The following SMYD3 variants were observed in gnomAD, a reference collection of about 807,000 sequenced individuals.
SMYD3 encodes the protein SET and MYND domain containing 3.
In SMYD3, 36 loss-of-function variants were observed where a neutral mutation model predicts 57.7. The ratio of observed to expected loss-of-function variants is 0.62; its 90% CI spans 0.48 to 0.82. The LOEUF is 0.82. Among genes scored for constraint, SMYD3 ranks in the 40% least tolerant of loss-of-function variants. SMYD3 has a pLI of 0.00. For missense variants in SMYD3, 515 were observed against 538.8 expected (o/e 0.96, Z 0.44); for synonymous variants, 211 against 195.0 (o/e 1.08, Z -0.68).
intron 1 of SMYD3, among the ~76,000 whole-genome samples, chr1:246,494,215 C>T (rs976489961): frequency 1.5e-4 from 23 of 152,224 alleles, no homozygotes; most frequent in Admixed American, 2.6e-4. Flanking sequence ...GTATCACAGA[C>T]GCTATCCCAA....
At chr1:246,087,848 C>T (rs2060745415) in intron 5 of SMYD3, among the ~76,000 whole-genome samples, 1 of 152,164 alleles carries the variant, frequency 6.6e-6, no homozygotes, top group African/African-American at 2.4e-5. Context: ...CTCAGTACTC[C>T]AACTGTTAAC....
intron 5 of SMYD3, among the ~76,000 whole-genome samples, chr1:245,976,737 AGCCCAGGGAAAGCCATCGTCTCCG>A (rs2058436397): frequency 2.8e-3 from 1 of 360 alleles, no homozygotes; most frequent in African/African-American, 7.7e-3. Flanking sequence ...CATCGTCTCC[AGCCCAGGGAAAGCCATCGTCTCCG>A]GCCTAGGGAA....
intron 5 of SMYD3, among the ~76,000 whole-genome samples, chr1:246,248,631 C>CTTGTTTTTTTTTTGTTTTTT (rs1309872022): frequency 8.4e-6 from 1 of 119,270 alleles, no homozygotes; most frequent in Non-Finnish European, 1.6e-5. Flanking sequence ...AGCTCTCTGA[C>CTTGTTTTTTTTTTGTTTTTT]TTTCCTTTTT....
At chr1:246,391,221 GAAAAA>G (rs58176373) in intron 1 of SMYD3, among the ~76,000 whole-genome samples, 1 of 111,036 alleles carries the variant, frequency 9.0e-6, no homozygotes, top group Non-Finnish European at 1.9e-5. Context: ...CTCTATATCT[GAAAAA>G]AAAAAAAAAA....
At chr1:246,446,529 C>G (rs151149490) in intron 1 of SMYD3, among the ~76,000 whole-genome samples, 1,800 of 152,224 alleles carry the variant, frequency 0.012, 38 homozygotes, top group African/African-American at 0.041. Context: ...ATTAGAGGTG[C>G]TGTTTTTCTA....
intron 1 of SMYD3, chr1:246,483,755 C>A (rs2068144710): frequency 6.6e-6 from 1 of 152,298 alleles, no homozygotes; most frequent in Non-Finnish European, 1.5e-5. Context: ...CATTCACATT[C>A]TTTCTCCTCT....
intron 5 of SMYD3, among the ~76,000 whole-genome samples, chr1:246,061,176 T>C (rs575816602): frequency 1.3e-5 from 2 of 152,208 alleles, no homozygotes; most frequent in Non-Finnish European, 2.9e-5. Flanking sequence ...TGAGTCGAGA[T>C]GGCACCACTG....
Position 246,507,046 on chromosome 1 carries a change from T to A in SMYD3, c.164+8A>T, listed in dbSNP as rs973632527. On this transcript the variant is annotated splice_region_variant and intron_variant, in intron 1 of 11. Transcript: ENST00000490107. ...CGACTCAGGTAGGCGAGGGCGCTCCTTACGCACCCGAGAAGGCAGCGGTCG... is the reference window on the plus strand; with the variant it reads ...CGACTCAGGTAGGCGAGGGCGCTCCATACGCACCCGAGAAGGCAGCGGTCG... The A allele has an allele frequency of 3.1e-5, 44 of 1,430,728 alleles. No homozygotes were observed. In the African/African-American group the frequency reaches 5.5e-4, roughly 18 times the overall value. 88.6% of individuals were successfully genotyped at this position (1,430,728 alleles called of 1,614,324 possible). A position where few individuals can be genotyped will look rare whatever the true frequency, so the allele number is the denominator to read the frequency against.
chr1:246,057,353 T>C (rs1440941660), intron 5 of SMYD3, among the ~76,000 whole-genome samples: 3 of 152,318 alleles, frequency 2.0e-5, no homozygotes, highest in Admixed American at 2.0e-4. Context: ...CTTTTACAGG[T>C]AGTGGTTTGA....
At chr1:246,317,642 C>T (rs2065185369) in intron 5 of SMYD3, among the ~76,000 whole-genome samples, 1 of 152,108 alleles carries the variant, frequency 6.6e-6, no homozygotes, top group East Asian at 1.9e-4. Context: ...TGAGTTGCCA[C>T]GATAAGCATG....
chr1:246,171,311 CCCT>C (rs1303511663), intron 5 of SMYD3, among the ~76,000 whole-genome samples: 9 of 152,170 alleles, frequency 5.9e-5, no homozygotes, highest in Non-Finnish European at 1.0e-4. Context: ...TTAATATAAT[CCCT>C]CCTTTCTTTG....
intron 5 of SMYD3, among the ~76,000 whole-genome samples, chr1:246,003,321 C>T (rs1483999216): frequency 6.6e-6 from 1 of 152,190 alleles, no homozygotes; most frequent in Non-Finnish European, 1.5e-5. Flanking sequence ...GCTATGCTAC[C>T]ACAGCGCCAT....
chr1:246,155,667 G>A (rs1286318607), intron 5 of SMYD3, among the ~76,000 whole-genome samples: 1 of 151,220 alleles, frequency 6.6e-6, no homozygotes, highest in Non-Finnish European at 1.5e-5. Flanking sequence ...CCCTAAAGAT[G>A]CTCATAGTTA....
At chr1:245,875,043 G>A (rs1312787582) in intron 8 of SMYD3, among the ~76,000 whole-genome samples, 1 of 152,252 alleles carries the variant, frequency 6.6e-6, no homozygotes, top group Non-Finnish European at 1.5e-5. Flanking sequence ...CCATGGAAGT[G>A]AAGTGCTGGC....
intron 1 of SMYD3, among the ~76,000 whole-genome samples, chr1:246,499,716 A>G (rs2068427774): frequency 1.3e-5 from 2 of 152,178 alleles, no homozygotes; most frequent in Admixed American, 1.3e-4. Context: ...TCGGCCTCCC[A>G]AAGTGCTGGA....
intron 11 of SMYD3, among the ~76,000 whole-genome samples, chr1:245,750,289 C>T (rs773853804): frequency 6.6e-5 from 10 of 152,136 alleles, no homozygotes; most frequent in Non-Finnish European, 1.2e-4. Context: ...AAAAAGGCCT[C>T]TGTGTTGTTT....
At chr1:246,468,740 C>T (rs1277189883) in intron 1 of SMYD3, among the ~76,000 whole-genome samples, 1 of 151,998 alleles carries the variant, frequency 6.6e-6, no homozygotes, top group African/African-American at 2.4e-5. Flanking sequence ...TTTTGGGAGG[C>T]TGAGGTGGAA....
At chr1:246,377,696 A>G (rs1295003009) in intron 1 of SMYD3, among the ~76,000 whole-genome samples, 5 of 152,188 alleles carry the variant, frequency 3.3e-5, no homozygotes, top group Non-Finnish European at 7.3e-5. Context: ...TCATGAAAAT[A>G]GTTTTCACTT....
chr1:245,942,338 T>A (rs1265033892), intron 5 of SMYD3, among the ~76,000 whole-genome samples: 1 of 152,084 alleles, frequency 6.6e-6, no homozygotes, highest in Non-Finnish European at 1.5e-5. Context: ...TCCTAGTTTT[T>A]AACAAAACAG....
Sources: allele counts gnomAD v4.1 joint callset (sites outside exome capture counted in the v4.1 genomes callset), GRCh38; gene constraint gnomAD v4.1.1; transcripts MANE v1.5; gene names NCBI Gene and HGNC (gene_info 2026-07-23, HGNC 2026-07-21).